The following CCDC102B variants were observed in gnomAD, a reference collection of about 807,000 sequenced individuals.
CCDC102B encodes the protein coiled-coil domain-containing protein 102B.
In CCDC102B, 75 loss-of-function variants were observed where a neutral mutation model predicts 57.4. The observed-to-expected ratio is 1.31, with a 90% CI of 1.08 to 1.58. The LOEUF is 1.58. Among genes scored for constraint, CCDC102B ranks in the 40% most tolerant of loss-of-function variants. The pLI is 0.00. For synonymous variants in CCDC102B, 206 were observed against 201.9 expected (o/e 1.02, Z -0.17); for missense variants, 636 against 582.6 (o/e 1.09, Z -0.94).
chr18:68,805,556 T>C (rs1488973750), intron 1 of CCDC102B, among the ~76,000 whole-genome samples: 1 of 152,000 alleles, frequency 6.6e-6, no homozygotes, highest in Non-Finnish European at 1.5e-5. Flanking sequence ...GTGAAGCCGA[T>C]GAGGAAGAGA....
rs968423807 is a variant in CCDC102B at position 68,897,279 on chromosome 18, G to A, written c.1114G>A (p.Glu372Lys). The change falls in exon 6 of 8, where the codon GAA (glutamate) becomes AAA (lysine). Residue 372 changes from glutamate to lysine, a missense_variant. Coordinates refer to ENST00000360242, the MANE Select transcript of CCDC102B (RefSeq NM_024781.3). ...EWDKREILER[E>K]KQGLERENRR... ...GGACAAGAGGGAAATACTTGAAAGA[G>A]AAAAGCAGGGACTGGAGAGAGAAAA... The A allele has an allele frequency of 6.2e-7, 1 of 1,613,092 alleles. No individual in the cohort carries two copies. Among genetic ancestry groups the A allele is most frequent in the African/African-American group, 1.3e-5 (1 of 74,964 alleles).
At chr18:68,762,282 G>C (rs2144590537) in intron 2 of CCDC102B, among the ~76,000 whole-genome samples, 1 of 152,178 alleles carries the variant, frequency 6.6e-6, no homozygotes, top group East Asian at 1.9e-4. Context: ...TATTTACGGA[G>C]AACATATTTG....
chr18:68,845,217 C>T (rs1040796743), intron 3 of CCDC102B, among the ~76,000 whole-genome samples: 1 of 151,822 alleles, frequency 6.6e-6, no homozygotes. Context: ...CAGGAAGAAT[C>T]ATTTTTCTTA....
intron 4 of CCDC102B, among the ~76,000 whole-genome samples, chr18:68,847,969 G>GT (rs898759904): frequency 1.3e-5 from 2 of 151,182 alleles, no homozygotes; most frequent in African/African-American, 4.8e-5. Flanking sequence ...ATGTTCTTAT[G>GT]TTTTTTTGAA....
At chr18:68,974,593 G>T (rs1231153346) in intron 6 of CCDC102B, among the ~76,000 whole-genome samples, 1 of 151,720 alleles carries the variant, frequency 6.6e-6, no homozygotes, top group Non-Finnish European at 1.5e-5. Context: ...TATAATGACT[G>T]ATTTTCTTGA....
chr18:69,056,565 T>A (rs1394872992), downstream of CCDC102B, among the ~76,000 whole-genome samples: 1 of 151,864 alleles, frequency 6.6e-6, no homozygotes. Context: ...TCTGAATTAC[T>A]CTCTTCTCAG....
intron 7 of CCDC102B, among the ~76,000 whole-genome samples, chr18:69,043,046 C>G (rs1383025254): frequency 1.3e-5 from 2 of 152,110 alleles, no homozygotes; most frequent in Non-Finnish European, 2.9e-5. Context: ...GTGGGTGTTT[C>G]TCCAAGAGGG....
intron 6 of CCDC102B, among the ~76,000 whole-genome samples, chr18:68,927,369 C>T (rs1266835013): frequency 6.6e-6 from 1 of 151,928 alleles, no homozygotes; most frequent in Non-Finnish European, 1.5e-5. Context: ...AGCTACAATG[C>T]AAGGGCAATC....
intron 2 of CCDC102B, among the ~76,000 whole-genome samples, chr18:68,733,993 G>C (rs1245013511): frequency 6.6e-6 from 1 of 152,088 alleles, no homozygotes; most frequent in African/African-American, 2.4e-5. Context: ...CTTGCAAATG[G>C]GGAAACAACA....
chr18:68,935,392 G>T (rs933122242), intron 6 of CCDC102B, among the ~76,000 whole-genome samples: 1 of 151,968 alleles, frequency 6.6e-6, no homozygotes, highest in African/African-American at 2.4e-5. Flanking sequence ...TAATGATATA[G>T]AAATGAATGT....
rs2050545802 is a variant in CCDC102B, at chr18:68,980,327, T to C, written c.1264-30607T>C. On this transcript the variant is annotated intron_variant, in intron 6 of 7. Transcript: ENST00000360242. ...AAATGATACTGTGATTTAGATAGGT[T>C]CATTCATTTATACAACACATAACTT... Among the ~76,000 whole-genome samples, 3 of 151,264 alleles carry C rather than the reference T, an allele frequency of 2.0e-5. No individual in the cohort carries two copies. The South Asian group carries it at 6.3e-4, about 32-fold the overall frequency.
At chr18:68,927,081 G>A (rs2041498048) in intron 6 of CCDC102B, among the ~76,000 whole-genome samples, 1 of 151,898 alleles carries the variant, frequency 6.6e-6, no homozygotes, top group Non-Finnish European at 1.5e-5. Context: ...AAATATTTGA[G>A]TCTGTGGTAA....
chr18:68,973,283 A>T (rs1375077979), intron 6 of CCDC102B, among the ~76,000 whole-genome samples: 1 of 152,134 alleles, frequency 6.6e-6, no homozygotes, highest in Admixed American at 6.6e-5. Context: ...GTGTAAGTCT[A>T]TATAAAAAAA....
At chr18:68,990,081 G>T (rs2050825322) in intron 6 of CCDC102B, among the ~76,000 whole-genome samples, 2 of 152,116 alleles carry the variant, frequency 1.3e-5, no homozygotes. Flanking sequence ...GAAATTACAG[G>T]CAATTATCAG....
chr18:68,736,529 A>T (rs1054605247), intron 2 of CCDC102B, among the ~76,000 whole-genome samples: 4 of 152,262 alleles, frequency 2.6e-5, no homozygotes, highest in Non-Finnish European at 5.9e-5. Context: ...CTAATATGAG[A>T]TAAGCATATG....
At chr18:68,725,344 G>A (rs1446541286) in intron 2 of CCDC102B, among the ~76,000 whole-genome samples, 1 of 152,166 alleles carries the variant, frequency 6.6e-6, no homozygotes, top group Non-Finnish European at 1.5e-5. Flanking sequence ...TTATGTCCCA[G>A]TTCAGTAGAT....
chr18:68,925,518 T>A (rs1183809531), intron 6 of CCDC102B, among the ~76,000 whole-genome samples: 1 of 152,066 alleles, frequency 6.6e-6, no homozygotes, highest in Non-Finnish European at 1.5e-5. Flanking sequence ...AAATTAGTTT[T>A]GCCTTTCCTT....
At chr18:68,776,389 C>G (rs1211991619) in intron 2 of CCDC102B, among the ~76,000 whole-genome samples, 3 of 152,058 alleles carry the variant, frequency 2.0e-5, no homozygotes, top group African/African-American at 7.3e-5. Flanking sequence ...GCACTCTTCA[C>G]AATAACAAAG....
chr18:68,950,270 C>G (rs2049658675), intron 6 of CCDC102B, among the ~76,000 whole-genome samples: 1 of 151,980 alleles, frequency 6.6e-6, no homozygotes, highest in South Asian at 2.1e-4. Flanking sequence ...TTGGCTGAAA[C>G]AGTTATGTGT....
Sources: allele counts gnomAD v4.1 joint callset (sites outside exome capture counted in the v4.1 genomes callset), GRCh38; gene constraint gnomAD v4.1.1; transcripts MANE v1.5; gene names NCBI Gene and HGNC (gene_info 2026-07-23, HGNC 2026-07-21).